The following DUSP16 variants were observed in gnomAD, a reference collection of about 807,000 sequenced individuals.
DUSP16 encodes the protein dual specificity phosphatase 16.
A neutral mutation model predicts 58.3 loss-of-function variants in DUSP16; 21 were observed. That is an observed-to-expected ratio of 0.36 (90% confidence interval 0.26 to 0.52). The LOEUF is 0.52. Ranked by LOEUF, DUSP16 falls within the 20% of genes least tolerant of loss-of-function variation. DUSP16 has a pLI of 0.94. For synonymous variants in DUSP16, 320 were observed against 323.8 expected (o/e 0.99, Z 0.12); for missense variants, 726 against 819.0 (o/e 0.89, Z 1.39).
intron 1 of DUSP16, among the ~76,000 whole-genome samples, chr12:12,559,760 G>C (rs4237940): frequency 0.86 from 131,430 of 152,146 alleles, 56,830 homozygotes; most frequent in East Asian, 0.98. Context: ...CCAGTCCAGG[G>C]ATTTACAGAA....
chr12:12,555,408 T>A (rs1470090811), intron 1 of DUSP16, among the ~76,000 whole-genome samples: 1 of 152,226 alleles, frequency 6.6e-6, no homozygotes, highest in Non-Finnish European at 1.5e-5. Context: ...AAGAACTGAC[T>A]GAAATTATTT....
At position 12,477,452 on chromosome 12, in the gene DUSP16, G is replaced by C. The variant is rs1943470717; in HGVS notation, c.1379C>G (p.Pro460Arg). The stretch of plus-strand genomic sequence containing the variant: ...GGGGATGCTGGCTTCCTCCTTATCA[G>C]GACTGGTTTCGGGAGTCTGCTCCGA... ...ELSEQTPETS[P>R]DKEEASIPKK... The change falls in exon 7 of 7, where the codon CCT becomes CGT. Residue 460 changes from proline to arginine, a missense_variant. Coordinates refer to ENST00000298573, the MANE Select transcript of DUSP16 (RefSeq NM_030640.3). This position sits in a 1 kb window ranked among gnomAD's most constrained non-coding sequence, Gnocchi z 4.1. The C allele has an allele frequency of 6.2e-7, 1 of 1,602,806 alleles. No individual in the cohort carries two copies.
intron 1 of DUSP16, among the ~76,000 whole-genome samples, chr12:12,522,054 C>G (rs1266702633): frequency 6.6e-6 from 1 of 152,194 alleles, no homozygotes; most frequent in Admixed American, 6.5e-5. Context: ...TGCAGGAAAA[C>G]TGGAGTTTCT....
intron 1 of DUSP16, among the ~76,000 whole-genome samples, chr12:12,532,831 C>T (rs1207347651): frequency 6.6e-6 from 1 of 151,940 alleles, no homozygotes; most frequent in African/African-American, 2.4e-5. Flanking sequence ...GCCTGTAATC[C>T]CAGCTATTCG....
rs568914971 is a variant in DUSP16, at chr12:12,559,498, T to A, written c.-366+2619A>T. ...TTAAAGTACCTTTTGCTTGAGAACT[T>A]AATGCATTTTAAAAACACTGAATGT... On this transcript the variant is annotated intron_variant, in intron 1 of 6. Transcript: ENST00000298573. 7.6e-4 allele frequency among the ~76,000 whole-genome samples: 116 copies of A among 152,348 alleles called. 1 individual carries two copies. The highest frequency in any genetic ancestry group is 2.7e-3 in the African/African-American group (114 of 41,576).
chr12:12,550,960 G>A (rs545433244), intron 1 of DUSP16, among the ~76,000 whole-genome samples: 61 of 151,890 alleles, frequency 4.0e-4, no homozygotes, highest in African/African-American at 1.1e-3. Context: ...TTTTTAAAAC[G>A]TCAACTCTTG....
At chr12:12,554,378 G>A (rs1284764156) in intron 1 of DUSP16, among the ~76,000 whole-genome samples, 1 of 151,852 alleles carries the variant, frequency 6.6e-6, no homozygotes, top group Admixed American at 6.6e-5. Context: ...CCAAAGTACT[G>A]GATCATAAGA....
intron 1 of DUSP16, among the ~76,000 whole-genome samples, chr12:12,532,785 T>G (rs2136243237): frequency 6.6e-6 from 1 of 152,062 alleles, no homozygotes; most frequent in East Asian, 1.9e-4. Context: ...CCATCTCTAC[T>G]AAAAATACAA....
intron 1 of DUSP16, among the ~76,000 whole-genome samples, chr12:12,551,461 A>T (rs966942994): frequency 1.1e-4 from 3 of 27,664 alleles, no homozygotes; most frequent in Non-Finnish European, 2.5e-4. Context: ...AGACTGTATT[A>T]AAAAAAAAAA....
At chr12:12,508,985 A>G (rs1944036749) in intron 3 of DUSP16, among the ~76,000 whole-genome samples, 1 of 152,220 alleles carries the variant, frequency 6.6e-6, no homozygotes, top group Non-Finnish European at 1.5e-5. Flanking sequence ...CAACATCCAG[A>G]TGTGTTATTC....
At chr12:12,488,671 T>C (rs1192026385) in intron 4 of DUSP16, among the ~76,000 whole-genome samples, 2 of 152,232 alleles carry the variant, frequency 1.3e-5, no homozygotes, top group African/African-American at 4.8e-5. Context: ...CTTTTCCAAC[T>C]ACCTGAAAGA....
At chr12:12,559,938 C>A (rs965819857) in intron 1 of DUSP16, among the ~76,000 whole-genome samples, 1 of 152,128 alleles carries the variant, frequency 6.6e-6, no homozygotes, top group African/African-American at 2.4e-5. Context: ...GGAAAAGAAC[C>A]GGGGTAACAG....
intron 1 of DUSP16, among the ~76,000 whole-genome samples, chr12:12,553,667 C>G (rs74549479): frequency 0.055 from 8,343 of 152,116 alleles, 255 homozygotes; most frequent in Middle Eastern, 0.075. Context: ...CTGAGCCCCA[C>G]GAGTGGCTGG....
Position 12,487,051 on chromosome 12 carries a change from A to G in DUSP16, c.668T>C (p.Leu223Ser). 1 of 1,614,132 alleles carries G rather than the reference A, an allele frequency of 6.2e-7. No homozygotes were observed. Among genetic ancestry groups the G allele is most frequent in the Non-Finnish European group, 8.5e-7 (1 of 1,179,966 alleles). The change falls in exon 5 of 7, where the codon TTG becomes TCG. Residue 223 changes from leucine to serine, a missense_variant. Transcript: ENST00000298573. ...ACCAATGAAATCTACTGATTTGTCCAACCACGGCAAAATTTTCTCACAAAA... is the reference window on the plus strand; with the variant it reads ...ACCAATGAAATCTACTGATTTGTCCGACCACGGCAAAATTTTCTCACAAAA... Reference protein sequence around the residue: ...DSFCEKILPWLDKSVDFIEKA... With the variant: ...DSFCEKILPWSDKSVDFIEKA...
At chr12:12,482,218 G>A (rs966418233) in intron 5 of DUSP16, among the ~76,000 whole-genome samples, 1 of 151,938 alleles carries the variant, frequency 6.6e-6, no homozygotes, top group African/African-American at 2.4e-5. Flanking sequence ...AAGACTTAAC[G>A]CTAGGCACAT....
chr12:12,519,608 G>A (rs911310562), intron 3 of DUSP16, among the ~76,000 whole-genome samples: 5 of 152,164 alleles, frequency 3.3e-5, no homozygotes, highest in Non-Finnish European at 5.9e-5. Context: ...ATATGGGTGT[G>A]CAAATCTATG....
At chr12:12,553,021 T>C (rs1441294096) in intron 1 of DUSP16, among the ~76,000 whole-genome samples, 5 of 152,172 alleles carry the variant, frequency 3.3e-5, no homozygotes, top group Admixed American at 1.3e-4. Flanking sequence ...CTTCATGAGA[T>C]CCACTGACCT....
intron 4 of DUSP16, among the ~76,000 whole-genome samples, chr12:12,492,992 C>T (rs144902069): frequency 2.0e-5 from 3 of 152,286 alleles, no homozygotes; most frequent in East Asian, 1.9e-4. Flanking sequence ...GGAGTGCTCA[C>T]GGCTCAATCC....
intron 5 of DUSP16, among the ~76,000 whole-genome samples, chr12:12,484,587 A>T (rs981553846): frequency 2.6e-5 from 4 of 152,096 alleles, no homozygotes; most frequent in Non-Finnish European, 4.4e-5. Flanking sequence ...TCTGGAAGTG[A>T]CGTGCAATGG....
Sources: gnomAD v4.1 joint callset for allele counts (sites outside exome capture counted in the v4.1 genomes callset) on GRCh38, gnomAD v4.1.1 for gene constraint, Gnocchi (gnomAD v3.1) non-coding constraint, MANE v1.5 for transcripts, NCBI Gene and HGNC (gene_info 2026-07-23, HGNC 2026-07-21) for gene names.